Variants in SRCIN1 observed in about 807,000 individuals in gnomAD.
The protein encoded by SRCIN1 is P130Cas-associated protein.
A neutral mutation model predicts 116.2 loss-of-function variants in SRCIN1; 50 were observed. The ratio of observed to expected loss-of-function variants is 0.43; its 90% confidence interval spans 0.34 to 0.54. SRCIN1 has a LOEUF of 0.54. Among genes scored for constraint, SRCIN1 ranks in the 20% least tolerant of loss-of-function variants. The probability of loss-of-function intolerance (pLI) is 0.02; values close to 1 mark genes in which losing one functional copy is unlikely to be tolerated. For synonymous variants in SRCIN1, 736 were observed against 750.0 expected (o/e 0.98, Z 0.30); for missense variants, 1,446 against 1,672.0 (o/e 0.86, Z 2.36).
chr17:38,533,972 C>T (rs2040964738), intron 18 of SRCIN1, among the ~76,000 whole-genome samples: 1 of 127,434 alleles, frequency 7.8e-6, no homozygotes, highest in African/African-American at 3.5e-5. Context: ...ACCCCGTCCA[C>T]CACCACCACC....
intron 2 of SRCIN1, among the ~76,000 whole-genome samples, chr17:38,571,778 G>C (rs1258541552): frequency 1.7e-4 from 26 of 152,282 alleles, no homozygotes; most frequent in Non-Finnish European, 8.8e-5. Context: ...TGTGAGAAAC[G>C]GGGGAAAGGA....
At position 38,564,137 on chromosome 17, in the gene SRCIN1, C is replaced by T. The variant is rs1271731514; in HGVS notation, c.522G>A (p.Gln174=). 1.9e-6 allele frequency: 3 copies of T among 1,600,438 alleles called. No individual in the cohort carries two copies. In the South Asian group the frequency reaches 3.4e-5, roughly 18 times the overall value. The change falls in exon 4 of 19, where the codon CAG becomes CAA. Residue 174 remains glutamine (Q), a synonymous_variant. Coordinates refer to ENST00000617146, the MANE Select transcript of SRCIN1 (RefSeq NM_025248.3). ...QSLPLSRSAS[Q]TKLRSPGVLF... ...CAGTACCTGGGGAGCGCAGCTTGGT[C>T]TGGCTGGCCGAGCGGGAGAGAGGCA...
chr17:38,601,897 CAGA>C (rs894682815), intron 1 of SRCIN1, among the ~76,000 whole-genome samples: 3 of 151,646 alleles, frequency 2.0e-5, no homozygotes, highest in African/African-American at 4.9e-5. Context: ...AAGGGGGAGG[CAGA>C]AGAAGAGACG....
intron 3 of SRCIN1, 108 bp from the exon 4 acceptor site, chr17:38,564,421 C>T (rs1906543310): frequency 8.5e-7 from 1 of 1,171,322 alleles, no homozygotes. Flanking sequence ...GCCAGCGACA[C>T]CCACACAGAT....
At position 38,561,859 on chromosome 17, in the gene SRCIN1, A is replaced by G. The variant is rs1056036769; in HGVS notation, c.1304T>C (p.Leu435Pro). ...GLYKRGSVRS[L>P]STYSAAALQS... is the part of the protein sequence containing the mutation. ...CAGCGCGGCGGCCGAGTAGGTGCTG[A>G]GCGAGCGCACCGAGCCGCGCTTGTA... Residue 435 changes from leucine (L) to proline (P), a missense_variant, in exon 7 of 19, where the codon CTC becomes CCC. Around this residue, in one of 5 missense-constraint regions of SRCIN1, gnomAD observed 239 missense variants for 317.7 expected, o/e 0.75. Transcript: ENST00000617146. 7 of 1,464,868 alleles carry G rather than the reference A, an allele frequency of 4.8e-6. No homozygotes were observed. The African/African-American group carries it at 6.0e-5, about 13-fold the overall frequency. 90.7% of individuals were successfully genotyped at this position (1,464,868 alleles called of 1,614,324 possible). A position where few individuals can be genotyped will look rare whatever the true frequency, so the allele number is the denominator to read the frequency against.
At chr17:38,549,920 C>G (rs1214628127) in intron 15 of SRCIN1, among the ~76,000 whole-genome samples, 2 of 152,208 alleles carry the variant, frequency 1.3e-5, no homozygotes, top group African/African-American at 4.8e-5. Context: ...GTTCCCTCAC[C>G]CTGGAGTACC....
intron 1 of SRCIN1, among the ~76,000 whole-genome samples, chr17:38,603,767 G>A (rs929098652): frequency 3.3e-5 from 5 of 151,962 alleles, no homozygotes; most frequent in African/African-American, 9.7e-5. Context: ...CTTATTCTTG[G>A]AAACCCTCCC....
At chr17:38,582,744 CA>C in intron 1 of SRCIN1, among the ~76,000 whole-genome samples, 1 of 152,274 alleles carries the variant, frequency 6.6e-6, no homozygotes, top group Admixed American at 6.5e-5. Flanking sequence ...TTTTATATAA[CA>C]AAAAAGTAAG....
In SRCIN1 at chr17:38,567,566, C is replaced by T. The variant is rs138585542; in HGVS notation, c.345+645G>A. Among the ~76,000 whole-genome samples the T allele has an allele frequency of 1.0e-3, 152 of 152,222 alleles. 1 individual carries two copies. In the East Asian group the frequency reaches 0.025, roughly 25 times the overall value. On this transcript the variant is annotated intron_variant, in intron 3 of 18. Coordinates refer to ENST00000617146, the MANE Select transcript of SRCIN1 (RefSeq NM_025248.3). ...CTGGGACTTGGGAGGCCAGAGACTCCAGGAGGCAAGCAGGTGCCTGAGGGT... is the reference window on the plus strand; with the variant it reads ...CTGGGACTTGGGAGGCCAGAGACTCTAGGAGGCAAGCAGGTGCCTGAGGGT...
intron 18 of SRCIN1, chr17:38,543,257 C>G (rs1904861513): frequency 2.2e-6 from 1 of 454,324 alleles, no homozygotes; most frequent in Non-Finnish European, 4.4e-6. Flanking sequence ...CACTGAAACC[C>G]AAACACAAGG....
rs952346591 is a variant in SRCIN1 at position 38,549,316 on chromosome 17, C to A, written c.2963-106G>T. On this transcript the variant is annotated intron_variant, in intron 15 of 18. Transcript: ENST00000617146. Reference sequence around the variant, plus strand: ...CCTTGCTTCTTCCTCCAGGGAGGACCAGGAGGAGGTGAGAGGAAAGCCTGG... The same window carrying A: ...CCTTGCTTCTTCCTCCAGGGAGGACAAGGAGGAGGTGAGAGGAAAGCCTGG... 1.3e-5 allele frequency: 15 copies of A among 1,183,512 alleles called. No homozygotes were observed. In the African/African-American group the frequency reaches 2.1e-4, roughly 16 times the overall value. The allele number at this position is 1,183,512 out of a possible 1,614,324, so 73.3% of individuals were successfully genotyped here. A position where few individuals can be genotyped will look rare whatever the true frequency, so the allele number is the denominator to read the frequency against.
At position 38,552,150 on chromosome 17, in the gene SRCIN1, G is replaced by T. The variant is rs781183086; in HGVS notation, c.2481-18C>A. ...CCACTTGCCTGGGGTTGGGAGAGTT[G>T]GGAGCAGCTGTGAGGCCAGCAGGTG... On this transcript the variant is annotated intron_variant, in intron 13 of 18. Transcript: ENST00000617146. This position sits in a 1 kb window ranked among gnomAD's most constrained non-coding sequence, Gnocchi z 5.3. The T allele has an allele frequency of 1.9e-6, 3 of 1,599,400 alleles. No individual in the cohort carries two copies. Among genetic ancestry groups the T allele is most frequent in the South Asian group, 2.3e-5 (2 of 88,844 alleles).
At chr17:38,534,645 C>G (rs73982820) in intron 18 of SRCIN1, among the ~76,000 whole-genome samples, 3,643 of 152,250 alleles carry the variant, frequency 0.024, 166 homozygotes, top group African/African-American at 0.085. Context: ...TTCTCAGATG[C>G]CTTGCAGAGG....
Position 38,558,190 on chromosome 17 carries a change from AC to A in SRCIN1, c.2201+36del. 1 of 1,600,100 alleles carries A rather than the reference AC, an allele frequency of 6.2e-7. No individual in the cohort carries two copies. Among genetic ancestry groups the A allele is most frequent in the Non-Finnish European group, 8.5e-7 (1 of 1,172,274 alleles). Reference sequence around the variant, plus strand: ...CCAGGTTGCGGGTCACTCCAGCCGCACCCCCACCCCTCCCTCCGCCGCGGGC... The same window carrying A: ...CCAGGTTGCGGGTCACTCCAGCCGCACCCCACCCCTCCCTCCGCCGCGGGC... On this transcript the variant is annotated intron_variant, in intron 11 of 18. Transcript: ENST00000617146. The surrounding 1 kb of genome is among the most constrained non-coding windows in gnomAD (Gnocchi z 4.6).
chr17:38,543,990 T>C (rs1904920477), intron 17 of SRCIN1, 21 bp from the exon 18 acceptor site: 2 of 1,562,584 alleles, frequency 1.3e-6, no homozygotes, highest in Non-Finnish European at 1.7e-6. Context: ...AGGAACAGGG[T>C]TGCAGTTGCA....
chr17:38,562,371 A>C lies in SRCIN1; in HGVS notation c.835-43T>G. ...CGGAACCCCACGGGGCTGGTCACCA[A>C]GGACACCCCTGTCCCTTGCTTGAGG... On this transcript the variant is annotated intron_variant, in intron 6 of 18. Transcript: ENST00000617146. The surrounding 1 kb of genome is among the most constrained non-coding windows in gnomAD (Gnocchi z 4.2). 1 of 1,405,166 alleles carries C rather than the reference A, an allele frequency of 7.1e-7. No individual in the cohort carries two copies. The allele number at this position is 1,405,166 out of a possible 1,614,324, so 87.0% of individuals were successfully genotyped here. A position where few individuals can be genotyped will look rare whatever the true frequency, so the allele number is the denominator to read the frequency against.
chr17:38,563,404 A>T lies in SRCIN1; in HGVS notation c.659T>A (p.Met220Lys). The change falls in exon 5 of 19, where the codon ATG (methionine) becomes AAG (lysine). Residue 220 changes from methionine to lysine, a missense_variant. Physicochemically the swap from Met to Lys is moderately conservative, Grantham distance 95. Transcript: ENST00000617146. This position sits in a 1 kb window ranked among gnomAD's most constrained non-coding sequence, Gnocchi z 5.8. ...IAHMFPQKLT[M>K]GMLKSPNTAI... ...GGTATTGGGCGACTTAAGCATGCCCATGGTGAGCTTCTGCGGGAACATGTG... is the reference window on the plus strand; with the variant it reads ...GGTATTGGGCGACTTAAGCATGCCCTTGGTGAGCTTCTGCGGGAACATGTG... 1 of 1,576,886 alleles carries T rather than the reference A, an allele frequency of 6.3e-7. No individual in the cohort carries two copies. The highest frequency in any genetic ancestry group is 1.2e-5 in the South Asian group (1 of 85,694).
rs539518677 is a variant in SRCIN1 at position 38,559,714 on chromosome 17, G to A, written c.1896C>T (p.Pro632=). The change falls in exon 10 of 19, where the codon CCC becomes CCT. Residue 632 remains proline, a synonymous_variant. Coordinates refer to ENST00000617146, the MANE Select transcript of SRCIN1 (RefSeq NM_025248.3). ...GATPVSGPPP[P]SASSTPAGQP... is the part of the protein sequence containing the mutation. ...GACCTGCGGGGGTGCTGCTGGCCGA[G>A]GGCGGGGGCGGGCCGGACACCGGGG... 13 of 1,570,754 alleles carry A rather than the reference G, an allele frequency of 8.3e-6. No individual in the cohort carries two copies. In the Admixed American group the frequency reaches 1.8e-4, roughly 22 times the overall value.
chr17:38,590,969 C>T (rs1018019590), intron 1 of SRCIN1, among the ~76,000 whole-genome samples: 2 of 152,226 alleles, frequency 1.3e-5, no homozygotes, highest in Non-Finnish European at 1.5e-5. Flanking sequence ...GGCCTATTCC[C>T]CAGGGCTGGA....
Sources: gnomAD v4.1 joint callset for allele counts (sites outside exome capture counted in the v4.1 genomes callset) on GRCh38, gnomAD v4.1.1 for gene constraint, gnomAD v4.1.1 regional missense constraint, Gnocchi (gnomAD v3.1) non-coding constraint, MANE v1.5 for transcripts, NCBI Gene and HGNC (gene_info 2026-07-23, HGNC 2026-07-21) for gene names.